The following ENOX1 variants were observed in gnomAD, a reference collection of about 807,000 sequenced individuals.
The protein encoded by ENOX1 is candidate growth-related and time keeping constitutive hydroquinone (NADH) oxidase.
Under a neutral mutation model 82.5 loss-of-function variants are expected in ENOX1, and 42 were observed. The ratio of observed to expected loss-of-function variants is 0.51; its 90% CI spans 0.40 to 0.66. The LOEUF (loss-of-function observed/expected upper bound fraction) is 0.66. ENOX1 is among the 30% of genes least tolerant of loss of function. The pLI is 0.00. For missense variants in ENOX1, 608 were observed against 811.6 expected, an observed-to-expected ratio of 0.75 and a Z score of 3.05; for synonymous variants, 271 against 282.2, an observed-to-expected ratio of 0.96 and a Z score of 0.40.
chr13:43,614,255 A>G (rs781519365), intron 2 of ENOX1, among the ~76,000 whole-genome samples: 6 of 152,184 alleles, frequency 3.9e-5, no homozygotes, highest in Non-Finnish European at 7.3e-5. Context: ...AAACACAAAA[A>G]ACACTGGATA....
At chr13:43,431,516 T>C (rs947701258) in intron 3 of ENOX1, among the ~76,000 whole-genome samples, 5 of 152,130 alleles carry the variant, frequency 3.3e-5, no homozygotes, top group African/African-American at 1.2e-4. Context: ...TTATATTACA[T>C]AGTTATTTCT....
intron 12 of ENOX1, among the ~76,000 whole-genome samples, chr13:43,294,208 AC>A (rs1215087005): frequency 1.3e-5 from 2 of 152,190 alleles, no homozygotes; most frequent in African/African-American, 4.8e-5. Context: ...GAGCCCTTTG[AC>A]ATAATCATCA....
At chr13:43,278,475 C>T (rs1018018547) in intron 12 of ENOX1, among the ~76,000 whole-genome samples, 2 of 151,990 alleles carry the variant, frequency 1.3e-5, no homozygotes, top group Non-Finnish European at 2.9e-5. Context: ...CCCACAGGAC[C>T]ACTCTGAGAA....
intron 14 of ENOX1, among the ~76,000 whole-genome samples, chr13:43,247,848 TATATATATATATATATATA>T (rs2043173931): frequency 2.1e-3 from 4 of 1,892 alleles, no homozygotes; most frequent in Middle Eastern, 0.17. Context: ...TATATATATA[TATATATATATATATATATA>T]TATATATATA....
intron 12 of ENOX1, among the ~76,000 whole-genome samples, chr13:43,282,062 C>G (rs942909227): frequency 6.6e-6 from 1 of 152,056 alleles, no homozygotes; most frequent in African/African-American, 2.4e-5. Context: ...CCTTTCTATT[C>G]CAAGTTGTTA....
At chr13:43,757,330 A>G (rs1950710411) in intron 1 of ENOX1, among the ~76,000 whole-genome samples, 1 of 152,164 alleles carries the variant, frequency 6.6e-6, no homozygotes, top group African/African-American at 2.4e-5. Context: ...AACAGGATAC[A>G]GGGGGAGTGA....
intron 2 of ENOX1, among the ~76,000 whole-genome samples, chr13:43,586,728 C>T (rs2081004210): frequency 6.6e-6 from 1 of 152,152 alleles, no homozygotes; most frequent in Non-Finnish European, 1.5e-5. Context: ...CAGTCAGACA[C>T]CATGTCCTCA....
intron 3 of ENOX1, among the ~76,000 whole-genome samples, chr13:43,469,603 G>T: frequency 6.6e-6 from 1 of 151,968 alleles, no homozygotes; most frequent in South Asian, 2.1e-4. Flanking sequence ...ATATTACTGA[G>T]AGGTTTTAAA....
At chr13:43,333,145 C>G (rs894355371) in intron 9 of ENOX1, among the ~76,000 whole-genome samples, 1 of 152,136 alleles carries the variant, frequency 6.6e-6, no homozygotes, top group Non-Finnish European at 1.5e-5. Context: ...AAACATCTTC[C>G]AACATATCTT....
intron 9 of ENOX1, among the ~76,000 whole-genome samples, chr13:43,337,944 CTTT>C (rs1428462294): frequency 6.6e-6 from 1 of 152,154 alleles, no homozygotes; most frequent in Non-Finnish European, 1.5e-5. Context: ...ATAATTTCTG[CTTT>C]TTATCCATGC....
At chr13:43,731,032 C>T (rs1171651030) in intron 1 of ENOX1, among the ~76,000 whole-genome samples, 9 of 152,100 alleles carry the variant, frequency 5.9e-5, no homozygotes, top group African/African-American at 1.2e-4. Flanking sequence ...TACTCATCTG[C>T]GTATACCCAG....
At chr13:43,579,693 G>A (rs1257061839) in intron 2 of ENOX1, among the ~76,000 whole-genome samples, 1 of 152,232 alleles carries the variant, frequency 6.6e-6, no homozygotes, top group Non-Finnish European at 1.5e-5. Context: ...TGCTTGCTCA[G>A]AAGGCTCATG....
At chr13:43,593,103 T>TC (rs919677489) in intron 2 of ENOX1, among the ~76,000 whole-genome samples, 3 of 152,196 alleles carry the variant, frequency 2.0e-5, no homozygotes, top group African/African-American at 7.2e-5. Context: ...ATTAAAAATT[T>TC]CACTAATAAT....
At chr13:43,541,173 G>GTTCTTTTTTTTTTTTTTTTT (rs2078696705) in intron 2 of ENOX1, among the ~76,000 whole-genome samples, 3 of 64,574 alleles carry the variant, frequency 4.6e-5, no homozygotes, top group Non-Finnish European at 6.4e-5. Flanking sequence ...TCTTCCCTCT[G>GTTCTTTTTTTTTTTTTTTTT]TTTTTTTTTT....
At chr13:43,473,155 C>A (rs2058140663) in intron 3 of ENOX1, among the ~76,000 whole-genome samples, 1 of 152,124 alleles carries the variant, frequency 6.6e-6, no homozygotes, top group Admixed American at 6.6e-5. Flanking sequence ...AGTAATCTTT[C>A]TGATGAGCAA....
At chr13:43,421,121 A>C (rs573616284) in intron 3 of ENOX1, among the ~76,000 whole-genome samples, 78 of 152,316 alleles carry the variant, frequency 5.1e-4, no homozygotes, top group Non-Finnish European at 9.0e-4. Flanking sequence ...TGGGCAGAAA[A>C]TGGAGTTGGA....
At chr13:43,285,398 T>A (rs2045635727) in intron 12 of ENOX1, among the ~76,000 whole-genome samples, 1 of 152,240 alleles carries the variant, frequency 6.6e-6, no homozygotes, top group South Asian at 2.1e-4. Flanking sequence ...TTTCCTTTTA[T>A]ATGGTTCTTT....
chr13:43,478,868 T>C (rs929955565), intron 3 of ENOX1, among the ~76,000 whole-genome samples: 2 of 151,670 alleles, frequency 1.3e-5, no homozygotes, highest in Non-Finnish European at 2.9e-5. Flanking sequence ...TAGTAGTGAA[T>C]GATAATTTGG....
At chr13:43,502,124 G>A (rs2077002415) in intron 2 of ENOX1, among the ~76,000 whole-genome samples, 2 of 151,444 alleles carry the variant, frequency 1.3e-5, no homozygotes, top group South Asian at 2.1e-4. Flanking sequence ...GATAACCTAG[G>A]AGAAATGAAT....
Sources: allele counts gnomAD v4.1 joint callset (sites outside exome capture counted in the v4.1 genomes callset), GRCh38; gene constraint gnomAD v4.1.1; transcripts MANE v1.5; gene names NCBI Gene and HGNC (gene_info 2026-07-23, HGNC 2026-07-21).